The following SHPRH variants were observed in gnomAD, a reference collection of about 807,000 sequenced individuals.
SHPRH encodes the protein E3 ubiquitin-protein ligase SHPRH.
A neutral mutation model predicts 202.5 loss-of-function variants in SHPRH; 106 were observed. That is an observed-to-expected ratio of 0.52 (90% confidence interval 0.45 to 0.62). The LOEUF (loss-of-function observed/expected upper bound fraction) is 0.62. Ranked by LOEUF, SHPRH falls within the 20% of genes least tolerant of loss-of-function variation. The pLI is 0.00. For missense variants in SHPRH, 1,710 were observed against 2,020.0 expected (o/e 0.85, Z 2.94); for synonymous variants, 729 against 686.0 (o/e 1.06, Z -0.98).
chr6:145,867,818 A>C (rs913572271), intron 2 of SHPRH, among the ~76,000 whole-genome samples: 4 of 151,812 alleles, frequency 2.6e-5, no homozygotes, highest in African/African-American at 9.7e-5. Flanking sequence ...TCTGCTCTCC[A>C]GAACTGAGAG....
intron 2 of SHPRH, among the ~76,000 whole-genome samples, chr6:145,866,780 T>C (rs746542078): frequency 6.6e-6 from 1 of 152,212 alleles, no homozygotes; most frequent in Non-Finnish European, 1.5e-5. Context: ...ATTTGCTTCT[T>C]GAGTTCTGGG....
chr6:145,952,350 T>C lies in SHPRH; in HGVS notation c.762A>G (p.Pro254=). Residue 254 remains proline (P), a splice_region_variant and synonymous_variant, in exon 3 of 30, where the codon CCA becomes CCG. Coordinates refer to ENST00000275233, the MANE Select transcript of SHPRH (RefSeq NM_001042683.3). ...TTTTAAGTTTACTGTAAATATTACC[T>C]GGAATAATAGAATTGTGTAACTTTT... ...VMEKLHNSII[P]DVLEEDEDDP... The C allele has an allele frequency of 6.3e-7, 1 of 1,593,306 alleles. No homozygotes were observed. The highest frequency in any genetic ancestry group is 8.5e-7 in the Non-Finnish European group (1 of 1,170,470).
intron 1 of SHPRH, among the ~76,000 whole-genome samples, chr6:145,960,277 T>A (rs1767151124): frequency 6.6e-6 from 1 of 152,126 alleles, no homozygotes; most frequent in African/African-American, 2.4e-5. Context: ...TAAAAACCAC[T>A]AAGGTGCCAC....
At chr6:145,889,554 A>C (rs1226870953) in intron 28 of SHPRH, among the ~76,000 whole-genome samples, 1 of 152,180 alleles carries the variant, frequency 6.6e-6, no homozygotes, top group Non-Finnish European at 1.5e-5. Flanking sequence ...AAAACACATT[A>C]AAAACGTTGT....
intron 13 of SHPRH, among the ~76,000 whole-genome samples, chr6:145,933,863 T>C (rs1157216899): frequency 6.6e-6 from 1 of 152,162 alleles, no homozygotes; most frequent in African/African-American, 2.4e-5. Context: ...GAACACAAAT[T>C]TCTTAATGTT....
chr6:145,863,312 A>T (rs1400510601), downstream of SHPRH, among the ~76,000 whole-genome samples: 1 of 152,224 alleles, frequency 6.6e-6, no homozygotes, highest in Non-Finnish European at 1.5e-5. Flanking sequence ...CAAGGACAAA[A>T]AATCTTTAGA....
chr6:145,886,989 G>T (rs1217204515), intron 29 of SHPRH, among the ~76,000 whole-genome samples: 1 of 152,128 alleles, frequency 6.6e-6, no homozygotes, highest in Non-Finnish European at 1.5e-5. Context: ...TTTAGTGTTT[G>T]TCAAAGTGTT....
intron 4 of SHPRH, 103 bp from the exon 5 acceptor site, chr6:145,948,453 T>A: frequency 2.7e-6 from 2 of 744,940 alleles, no homozygotes; most frequent in South Asian, 5.2e-5. Flanking sequence ...TCTGGCATAG[T>A]GATACCCATA....
intron 23 of SHPRH, among the ~76,000 whole-genome samples, chr6:145,915,600 A>T (rs749183543): frequency 7.2e-5 from 11 of 152,124 alleles, no homozygotes; most frequent in South Asian, 2.1e-4. Context: ...CATTTTGAAG[A>T]TGTTCCAATG....
intron 14 of SHPRH, among the ~76,000 whole-genome samples, chr6:145,932,219 T>C (rs1410783607): frequency 1.3e-5 from 2 of 152,172 alleles, no homozygotes; most frequent in Non-Finnish European, 2.9e-5. Flanking sequence ...CATATTTATA[T>C]GGAAAGGTGT....
chr6:145,914,095 A>C (rs1025019044), intron 23 of SHPRH, among the ~76,000 whole-genome samples: 7 of 152,122 alleles, frequency 4.6e-5, no homozygotes, highest in Admixed American at 6.6e-5. Flanking sequence ...AATCACCTAC[A>C]AATTTAGTGG....
chr6:145,927,280 A>G lies in SHPRH; in HGVS notation c.3113-3T>C, dbSNP rs199753685. On this transcript the variant is annotated splice_region_variant and splice_polypyrimidine_tract_variant and intron_variant, in intron 14 of 29. Transcript: ENST00000275233. Reference sequence around the variant, plus strand: ...TTCTGCTGCCAAGGCATACTCACCTAAAGAATTAAAATGTATTTAAAGCAT... The same window carrying G: ...TTCTGCTGCCAAGGCATACTCACCTGAAGAATTAAAATGTATTTAAAGCAT... The G allele has an allele frequency of 8.1e-6, 13 of 1,610,272 alleles. No homozygotes were observed. Among genetic ancestry groups the G allele is most frequent in the South Asian group, 1.1e-5 (1 of 90,938 alleles).
rs2256998 is a variant in SHPRH at position 145,886,521 on chromosome 6, A to C, written c.*170T>G. On this transcript the variant is annotated 3_prime_UTR_variant, in exon 30 of 30. Transcript: ENST00000275233. The stretch of plus-strand genomic sequence containing the variant: ...TAGATCTTTTGGAAACAGTATATTG[A>C]AAAGGACTCAATAAGTACTAAGCCA... 485,821 of 1,193,832 alleles carry C rather than the reference A, an allele frequency of 0.41. 101,486 individuals carry two copies. The highest frequency in any genetic ancestry group is 0.48 in the South Asian group (33,682 of 70,204). 74.0% of individuals were successfully genotyped at this position (1,193,832 alleles called of 1,614,324 possible).
At position 145,885,821 on chromosome 6, in the gene SHPRH, A is replaced by C. The variant is rs1780954098; in HGVS notation, c.*870T>G. ...TTACACAAGAACATGGGAAAGAAAA[A>C]GAATCCAAGACATCAGTATAATAAT... On this transcript the variant is annotated 3_prime_UTR_variant, in exon 30 of 30. Transcript: ENST00000275233. 6.6e-6 allele frequency: 1 copy of C among 152,138 alleles called. No individual in the cohort carries two copies. Among genetic ancestry groups the C allele is most frequent in the Non-Finnish European group, 1.5e-5 (1 of 68,030 alleles). 9.4% of individuals were successfully genotyped at this position (152,138 alleles called of 1,614,324 possible).
chr6:145,901,637 A>C (rs1782512597), intron 25 of SHPRH, among the ~76,000 whole-genome samples: 1 of 152,128 alleles, frequency 6.6e-6, no homozygotes, highest in East Asian at 1.9e-4. Context: ...TGCAAAGTTA[A>C]GCTGGAATGT....
chr6:145,888,637 T>C (rs1206621591), intron 28 of SHPRH, among the ~76,000 whole-genome samples: 2 of 152,150 alleles, frequency 1.3e-5, no homozygotes, highest in Non-Finnish European at 2.9e-5. Context: ...GTGGTTATAA[T>C]GGGAAGCCCT....
rs1442552839 is a variant in SHPRH at position 145,925,347 on chromosome 6, C to CACACAA, written c.3295-502_3295-501insTTGTGT. ...AGATTTTAAATGTTCTCACTACACACACACACACACACACACACACACATG... is the reference window on the plus strand; with the variant it reads ...AGATTTTAAATGTTCTCACTACACACACACAAACACACACACACACACACACACATG... On this transcript the variant is annotated intron_variant, in intron 16 of 29. Coordinates refer to ENST00000275233, the MANE Select transcript of SHPRH (RefSeq NM_001042683.3). Among the ~76,000 whole-genome samples the CACACAA allele has an allele frequency of 2.0e-5, 3 of 150,586 alleles. No homozygotes were observed. The East Asian group carries it at 5.8e-4, about 29-fold the overall frequency.
chr6:145,899,270 C>A (rs1357040928), intron 25 of SHPRH, among the ~76,000 whole-genome samples: 1 of 152,034 alleles, frequency 6.6e-6, no homozygotes, highest in Non-Finnish European at 1.5e-5. Context: ...GCTAGAGATA[C>A]CACACTCCCT....
chr6:145,929,851 G>C (rs1296559062), intron 14 of SHPRH, among the ~76,000 whole-genome samples: 1 of 152,072 alleles, frequency 6.6e-6, no homozygotes, highest in Non-Finnish European at 1.5e-5. Context: ...TGAGCAGGTT[G>C]AAAGTGGTAA....
Sources: allele counts gnomAD v4.1 joint callset (sites outside exome capture counted in the v4.1 genomes callset), GRCh38; gene constraint gnomAD v4.1.1; transcripts MANE v1.5; gene names NCBI Gene and HGNC (gene_info 2026-07-23, HGNC 2026-07-21).